Variants in SLC2A9 observed in about 807,000 individuals in gnomAD.
The protein encoded by SLC2A9 is solute carrier family 2, facilitated glucose transporter member 9.
Under a neutral mutation model 50.6 loss-of-function variants are expected in SLC2A9, and 39 were observed. The observed-to-expected ratio is 0.77, with a 90% CI of 0.60 to 1.01. The LOEUF (loss-of-function observed/expected upper bound fraction) is 1.01, where lower values mean the gene tolerates loss of function less well. Ranked by LOEUF, SLC2A9 falls within the 50% of genes least tolerant of loss-of-function variation. SLC2A9 has a pLI of 0.00. For missense variants in SLC2A9, 686 were observed against 677.6 expected, an observed-to-expected ratio of 1.01 and a Z score of -0.14; for synonymous variants, 324 against 276.9, an observed-to-expected ratio of 1.17 and a Z score of -1.69.
intron 6 of SLC2A9, 39 bp from the exon 7 acceptor site, chr4:9,920,611 A>G (rs1364136986): frequency 1.2e-6 from 2 of 1,612,800 alleles, no homozygotes; most frequent in East Asian, 4.5e-5. Context: ...AGCAGGGATT[A>G]GAGTGTCCAT....
At chr4:9,841,323 T>G (rs2109217460) in intron 10 of SLC2A9, among the ~76,000 whole-genome samples, 1 of 152,276 alleles carries the variant, frequency 6.6e-6, no homozygotes, top group South Asian at 2.1e-4. Context: ...TTTGTTCTCT[T>G]GTTTTCTGCA....
chr4:9,959,422 CCTCAATCATCAGATTGATGT>C (rs1751872463), intron 5 of SLC2A9, among the ~76,000 whole-genome samples: 1 of 149,752 alleles, frequency 6.7e-6, no homozygotes, highest in South Asian at 2.1e-4. Flanking sequence ...AATACTGAGG[CCTCAATCATCAGATTGATGT>C]CTCAATCTTA....
At chr4:9,836,389 C>G (rs1727118262) in intron 10 of SLC2A9, among the ~76,000 whole-genome samples, 1 of 152,094 alleles carries the variant, frequency 6.6e-6, no homozygotes, top group African/African-American at 2.4e-5. Flanking sequence ...AGGAGATGCA[C>G]TGTCTATTTT....
At chr4:9,948,086 G>C (rs1749525851) in intron 5 of SLC2A9, among the ~76,000 whole-genome samples, 1 of 152,098 alleles carries the variant, frequency 6.6e-6, no homozygotes, top group South Asian at 2.1e-4. Flanking sequence ...GTATGTTCTT[G>C]CTGTAGGTGG....
chr4:9,773,258 T>A (rs1717085750), intron 1 of SLC2A9, among the ~76,000 whole-genome samples: 1 of 151,954 alleles, frequency 6.6e-6, no homozygotes. Context: ...CCCCTCCCCA[T>A]CCCCTCCCCT....
At chr4:9,908,544 T>TTTTTA (rs1469945551) in intron 7 of SLC2A9, among the ~76,000 whole-genome samples, 199 bp from the exon 8 acceptor site, 3 of 141,780 alleles carry the variant, frequency 2.1e-5, no homozygotes, top group African/African-American at 8.3e-5. Context: ...ATTATTTTAT[T>TTTTTA]TTTTATTTAT....
At chr4:9,799,650 A>G (rs914047529) in intron 3 of SLC2A9, among the ~76,000 whole-genome samples, 1 of 149,386 alleles carries the variant, frequency 6.7e-6, no homozygotes, top group Non-Finnish European at 1.5e-5. Flanking sequence ...TCTTACGTAA[A>G]TGACTCTGCA....
At chr4:9,810,258 T>C (rs1722704128) in intron 3 of SLC2A9, among the ~76,000 whole-genome samples, 1 of 151,778 alleles carries the variant, frequency 6.6e-6, no homozygotes, top group Non-Finnish European at 1.5e-5. Flanking sequence ...CTGTGATGAA[T>C]GGATTGTATT....
intron 3 of SLC2A9, among the ~76,000 whole-genome samples, chr4:9,802,975 C>A (rs1225719076): frequency 1.3e-5 from 2 of 152,228 alleles, no homozygotes; most frequent in Non-Finnish European, 2.9e-5. Context: ...TTTGTAGATG[C>A]TGGACTGCAG....
chr4:9,940,760 T>C (rs139786432), intron 6 of SLC2A9, among the ~76,000 whole-genome samples: 77 of 152,314 alleles, frequency 5.1e-4, no homozygotes, highest in African/African-American at 1.5e-3. Context: ...CAAATATAGG[T>C]AATTGTTAAT....
At chr4:9,852,300 C>T (rs1001212536) in intron 10 of SLC2A9, among the ~76,000 whole-genome samples, 25 of 150,632 alleles carry the variant, frequency 1.7e-4, no homozygotes, top group Non-Finnish European at 2.8e-4. Context: ...GGCCGGACTG[C>T]GGACTGCAGT....
At chr4:9,967,280 T>A (rs903494752) in intron 5 of SLC2A9, among the ~76,000 whole-genome samples, 4 of 152,176 alleles carry the variant, frequency 2.6e-5, no homozygotes, top group Admixed American at 2.6e-4. Context: ...AAGTTATAAA[T>A]GGAATGAACC....
intron 7 of SLC2A9, among the ~76,000 whole-genome samples, chr4:9,908,673 G>C (rs1272434783): frequency 6.6e-6 from 1 of 151,856 alleles, no homozygotes; most frequent in Non-Finnish European, 1.5e-5. Flanking sequence ...ATTTACATTA[G>C]GTATATCTCC....
At chr4:9,948,835 T>A (rs1217325013) in intron 5 of SLC2A9, among the ~76,000 whole-genome samples, 1 of 152,316 alleles carries the variant, frequency 6.6e-6, no homozygotes, top group African/African-American at 2.4e-5. Flanking sequence ...CACATCTCCA[T>A]CTCAGGGTCT....
At position 9,981,117 on chromosome 4, in the gene SLC2A9, G is replaced by A. The variant is rs1453735108; in HGVS notation, c.536-380C>T. ...GGTAGTAATGGTGATGGTGGTAGTG[G>A]TAGTGATGGTAATGATGGCGATGGT... On this transcript the variant is annotated intron_variant, in intron 4 of 11. Transcript: ENST00000264784. Among the ~76,000 whole-genome samples, 3 of 131,332 alleles carry A rather than the reference G, an allele frequency of 2.3e-5. No individual in the cohort carries two copies. The Admixed American group carries it at 2.3e-4, about 10-fold the overall frequency. The allele number at this position is 131,332 out of a possible 152,430, so 86.2% of individuals were successfully genotyped here.
chr4:10,012,583 C>T (rs769420452), intron 2 of SLC2A9, among the ~76,000 whole-genome samples: 1 of 152,012 alleles, frequency 6.6e-6, no homozygotes, highest in Non-Finnish European at 1.5e-5. Flanking sequence ...AGGGCTAAAG[C>T]GTGATGGAGG....
chr4:10,006,426 AG>A (rs1760786309), intron 2 of SLC2A9: 1 of 152,372 alleles, frequency 6.6e-6, no homozygotes, highest in South Asian at 2.1e-4. Flanking sequence ...TAAGAGAGGA[AG>A]TCATGCCACA....
chr4:9,902,531 T>C (rs1415862713), intron 8 of SLC2A9, among the ~76,000 whole-genome samples: 1 of 152,188 alleles, frequency 6.6e-6, no homozygotes, highest in Non-Finnish European at 1.5e-5. Context: ...GCTTCAGCAA[T>C]AGAAACGTGT....
intron 10 of SLC2A9, among the ~76,000 whole-genome samples, chr4:9,845,000 C>T (rs1467248877): frequency 6.6e-6 from 1 of 151,786 alleles, no homozygotes; most frequent in Non-Finnish European, 1.5e-5. Flanking sequence ...CTCTTGCCCA[C>T]GTACCCTAGA....
Sources: gnomAD v4.1 joint callset for allele counts (sites outside exome capture counted in the v4.1 genomes callset) on GRCh38, gnomAD v4.1.1 for gene constraint, MANE v1.5 for transcripts, NCBI Gene and HGNC (gene_info 2026-07-23, HGNC 2026-07-21) for gene names.